Variants in LRRC4C observed in about 807,000 individuals in gnomAD.
LRRC4C encodes the protein leucine-rich repeat-containing protein 4C.
In LRRC4C, 5 loss-of-function variants were observed where a neutral mutation model predicts 33.6. The observed-to-expected ratio is 0.15, with a 90% CI of 0.08 to 0.31. LRRC4C has a LOEUF of 0.31. LRRC4C is among the 10% of genes least tolerant of loss of function. LRRC4C has a pLI of 1.00. For missense variants in LRRC4C, 560 were observed against 796.7 expected (o/e 0.70, Z 3.58); for synonymous variants, 329 against 302.0 (o/e 1.09, Z -0.93).
At chr11:40,983,829 A>G (rs67679349) in intron 1 of LRRC4C, among the ~76,000 whole-genome samples, 36,307 of 152,160 alleles carry the variant, frequency 0.24, 4,782 homozygotes, top group Middle Eastern at 0.32. Context: ...ATATTATTAA[A>G]AAGTCCAACT....
chr11:41,125,142 T>G (rs1013698794), intron 1 of LRRC4C, among the ~76,000 whole-genome samples: 2 of 152,162 alleles, frequency 1.3e-5, no homozygotes, highest in East Asian at 3.9e-4. Context: ...CAAAGGTCTA[T>G]CTGCGGAGTA....
At chr11:41,415,562 C>T (rs540002821) in intron 1 of LRRC4C, among the ~76,000 whole-genome samples, 1 of 152,080 alleles carries the variant, frequency 6.6e-6, no homozygotes, top group African/African-American at 2.4e-5. Flanking sequence ...GGATTAGATC[C>T]ATGGTTTTCA....
At chr11:41,075,901 T>C (rs1590450331) in intron 1 of LRRC4C, among the ~76,000 whole-genome samples, 1 of 152,170 alleles carries the variant, frequency 6.6e-6, no homozygotes, top group East Asian at 1.9e-4. Flanking sequence ...ATTCAATAAA[T>C]CCTTCTAATC....
chr11:40,827,267 A>G (rs1366419796), intron 2 of LRRC4C, among the ~76,000 whole-genome samples: 2 of 151,884 alleles, frequency 1.3e-5, no homozygotes, highest in Non-Finnish European at 2.9e-5. Flanking sequence ...GTCAGATTTC[A>G]AAACAGTGGG....
At chr11:40,945,354 C>A (rs1159593430) in intron 1 of LRRC4C, among the ~76,000 whole-genome samples, 1 of 151,984 alleles carries the variant, frequency 6.6e-6, no homozygotes, top group Non-Finnish European at 1.5e-5. Flanking sequence ...CTGGCCAAAC[C>A]CTAACAAATC....
intron 3 of LRRC4C, among the ~76,000 whole-genome samples, chr11:40,406,693 C>T (rs1027871458): frequency 6.6e-6 from 1 of 151,958 alleles, no homozygotes; most frequent in African/African-American, 2.4e-5. Flanking sequence ...TTGCAAAACA[C>T]AATACAACAA....
chr11:40,979,867 T>C (rs919645482), intron 1 of LRRC4C, among the ~76,000 whole-genome samples: 13 of 152,210 alleles, frequency 8.5e-5, no homozygotes, highest in Admixed American at 7.9e-4. Context: ...CTGCTTTTCT[T>C]GATGTGAATC....
At chr11:40,546,462 A>G (rs569820335) in intron 3 of LRRC4C, among the ~76,000 whole-genome samples, 9 of 152,166 alleles carry the variant, frequency 5.9e-5, no homozygotes, top group African/African-American at 1.7e-4. Flanking sequence ...TCAATTTTAC[A>G]TGGTTGTGAT....
chr11:41,276,968 A>G (rs1432551084), intron 1 of LRRC4C, among the ~76,000 whole-genome samples: 1 of 152,192 alleles, frequency 6.6e-6, no homozygotes, highest in African/African-American at 2.4e-5. Flanking sequence ...TATAAATGTA[A>G]GATAGTATTT....
At chr11:40,691,802 T>C (rs916460659) in intron 2 of LRRC4C, among the ~76,000 whole-genome samples, 3 of 152,134 alleles carry the variant, frequency 2.0e-5, no homozygotes, top group Non-Finnish European at 4.4e-5. Flanking sequence ...AAAATATTTA[T>C]GTATTTTGAA....
chr11:41,254,925 C>T (rs1948752734), intron 1 of LRRC4C, among the ~76,000 whole-genome samples: 1 of 152,096 alleles, frequency 6.6e-6, no homozygotes, highest in East Asian at 1.9e-4. Context: ...GCCCTTGTTC[C>T]CCAAGTGGAA....
chr11:40,704,087 A>G (rs1438450468), intron 2 of LRRC4C, among the ~76,000 whole-genome samples: 1 of 152,208 alleles, frequency 6.6e-6, no homozygotes, highest in Non-Finnish European at 1.5e-5. Flanking sequence ...ACTACAAAAA[A>G]TAATACAAAT....
chr11:40,194,807 G>A (rs899940884), intron 5 of LRRC4C, among the ~76,000 whole-genome samples: 3 of 152,136 alleles, frequency 2.0e-5, no homozygotes, highest in Admixed American at 1.3e-4. Flanking sequence ...AGACGACTGC[G>A]GCCGGGCATG....
chr11:41,164,754 G>A (rs1340043373), intron 1 of LRRC4C, among the ~76,000 whole-genome samples: 2 of 152,284 alleles, frequency 1.3e-5, no homozygotes, highest in East Asian at 1.9e-4. Flanking sequence ...ATGTAAAAGA[G>A]TCTTGGAACA....
Position 40,923,343 on chromosome 11 carries a change from A to G in LRRC4C, c.-407+10292T>C, listed in dbSNP as rs1246521697. On this transcript the variant is annotated intron_variant, in intron 2 of 6. Coordinates refer to ENST00000528697, the MANE Select transcript of LRRC4C (RefSeq NM_001258419.2). ...GTGTTAGTCCTTGTATGATTAACCC[A>G]ATATTTATTGTTCTTTTTTCCAGAA... Among the ~76,000 whole-genome samples the G allele has an allele frequency of 2.6e-5, 4 of 152,192 alleles. No homozygotes were observed. In the East Asian group the frequency reaches 7.7e-4, roughly 29 times the overall value.
intron 1 of LRRC4C, among the ~76,000 whole-genome samples, chr11:41,138,560 G>T (rs1943365604): frequency 6.6e-6 from 1 of 152,126 alleles, no homozygotes; most frequent in African/African-American, 2.4e-5. Flanking sequence ...AAAAGGACAT[G>T]AAAATGATAT....
At chr11:41,148,990 T>C (rs1202733044) in intron 1 of LRRC4C, among the ~76,000 whole-genome samples, 1 of 152,132 alleles carries the variant, frequency 6.6e-6, no homozygotes, top group Non-Finnish European at 1.5e-5. Context: ...AAGGAATACA[T>C]GGCCAATTGT....
At chr11:41,431,649 G>GTA (rs71063916) in intron 1 of LRRC4C, among the ~76,000 whole-genome samples, 56,653 of 151,320 alleles carry the variant, frequency 0.37, 11,367 homozygotes, top group Middle Eastern at 0.49. Context: ...GTGTGTGTGT[G>GTA]TGTACACGTA....
At position 40,653,136 on chromosome 11, in the gene LRRC4C, C is replaced by T. The variant is rs190007170; in HGVS notation, c.-406-4858G>A. On this transcript the variant is annotated intron_variant, in intron 2 of 6. Transcript: ENST00000528697. ...GCCTCAGGCAGTTCTTCATAGCAGG[C>T]TGAGAATGTACTAATATAGTTAGTT... Among the ~76,000 whole-genome samples, 5 of 152,214 alleles carry T rather than the reference C, an allele frequency of 3.3e-5. No individual in the cohort carries two copies. The East Asian group carries it at 9.7e-4, about 29-fold the overall frequency.
Sources: allele counts gnomAD v4.1 joint callset (sites outside exome capture counted in the v4.1 genomes callset), GRCh38; gene constraint gnomAD v4.1.1; transcripts MANE v1.5; gene names NCBI Gene and HGNC (gene_info 2026-07-23, HGNC 2026-07-21).